RAB44: variants seen among roughly 807,000 people sequenced by gnomAD.
RAB44 encodes ras-related protein Rab-44.
In RAB44, 67 loss-of-function variants were observed where a neutral mutation model predicts 93.3. The observed-to-expected ratio is 0.72, with a 90% CI of 0.59 to 0.88. The LOEUF (loss-of-function observed/expected upper bound fraction) is 0.88, where lower values mean the gene tolerates loss of function less well. Ranked by LOEUF, RAB44 falls within the 40% of genes least tolerant of loss-of-function variation. The probability of loss-of-function intolerance (pLI) is 0.00; values close to 1 mark genes in which losing one functional copy is unlikely to be tolerated. For synonymous variants in RAB44, 427 were observed against 520.3 expected (o/e 0.82, Z 2.44); for missense variants, 1,064 against 1,261.7 (o/e 0.84, Z 2.37).
chr6:36,727,900 C>G (rs1233965770), intron 11 of RAB44, among the ~76,000 whole-genome samples: 1 of 152,236 alleles, frequency 6.6e-6, no homozygotes, highest in Non-Finnish European at 1.5e-5. Flanking sequence ...AACCAAACTA[C>G]TTCCTTTATC....
At chr6:36,726,698 T>C (rs1405551417) in intron 10 of RAB44, among the ~76,000 whole-genome samples, 2 of 152,176 alleles carry the variant, frequency 1.3e-5, no homozygotes, top group Non-Finnish European at 2.9e-5. Context: ...ACAACCTAAA[T>C]GTCCATCAAT....
intron 2 of RAB44, among the ~76,000 whole-genome samples, chr6:36,710,616 T>G (rs1762760863): frequency 9.4e-6 from 1 of 105,972 alleles, no homozygotes; most frequent in East Asian, 2.6e-4. Flanking sequence ...GGCATGATCT[T>G]GGCTCACTGC....
chr6:36,730,219 C>T (rs577585138), intron 12 of RAB44, among the ~76,000 whole-genome samples: 4 of 152,172 alleles, frequency 2.6e-5, no homozygotes, highest in South Asian at 2.1e-4. Flanking sequence ...GCCCCCGCCC[C>T]GTAAAAGGGT....
In RAB44 at chr6:36,722,510, CA is replaced by C; in HGVS notation, c.2377del (p.Arg793GlyfsTer21). 1 of 1,510,230 alleles carries C rather than the reference CA, an allele frequency of 6.6e-7. No individual in the cohort carries two copies. Among genetic ancestry groups the C allele is most frequent in the Non-Finnish European group, 8.9e-7 (1 of 1,127,392 alleles). The allele number at this position is 1,510,230 out of a possible 1,614,324, so 93.6% of individuals were successfully genotyped here. The stretch of plus-strand genomic sequence containing the variant: ...CAGAAGAACAAGGCCCGCCTCACTC[CA>C]GGGAACCAAGGGCAGAGAGCAGGCT... ...HAEEQGPPHS[R>X]EPRAESRLED... On this transcript the variant is annotated frameshift_variant, in exon 9 of 14. Transcript: ENST00000612677. LOFTEE classifies it high-confidence loss of function.
Position 36,727,494 on chromosome 6 carries a change from G to A in RAB44, c.2682-83G>A, listed in dbSNP as rs1763265178. The A allele has an allele frequency of 1.3e-5, 11 of 831,774 alleles. No individual in the cohort carries two copies. In the South Asian group the frequency reaches 1.6e-4, roughly 12 times the overall value. The allele number at this position is 831,774 out of a possible 1,614,324, so 51.5% of individuals were successfully genotyped here. On this transcript the variant is annotated intron_variant, in intron 10 of 13. Coordinates refer to ENST00000612677, the MANE Select transcript of RAB44 (RefSeq NM_001257357.2). ...CTCTGTGGGAAGCAATTAGAAGTAG[G>A]ATAGGTTACTTCTCCCACTTTGCAG...
intron 2 of RAB44, among the ~76,000 whole-genome samples, chr6:36,709,430 G>A (rs1762728119): frequency 6.6e-6 from 1 of 152,122 alleles, no homozygotes; most frequent in Non-Finnish European, 1.5e-5. Context: ...CCTTTTTCAT[G>A]TTGTAGAATA....
chr6:36,701,583 A>G lies in RAB44; in HGVS notation c.-12-2641A>G, dbSNP rs567624598. Among the ~76,000 whole-genome samples, 3 of 152,256 alleles carry G rather than the reference A, an allele frequency of 2.0e-5. No individual in the cohort carries two copies. The East Asian group carries it at 5.8e-4, about 29-fold the overall frequency. ...CTGCCCTGGAGCTCACTGCTAAGCT[A>G]TGTCACCTCCCCCAGGAAGCCCTCT... On this transcript the variant is annotated intron_variant, in intron 1 of 13. Transcript: ENST00000612677.
intron 7 of RAB44, among the ~76,000 whole-genome samples, chr6:36,719,518 G>A (rs1413214729): frequency 1.3e-5 from 2 of 152,202 alleles, no homozygotes; most frequent in African/African-American, 2.4e-5. Flanking sequence ...GATCATGACA[G>A]ACACAAACCT....
intron 3 of RAB44, among the ~76,000 whole-genome samples, 179 bp from the exon 4 acceptor site, chr6:36,715,300 A>G (rs1434583124): frequency 2.0e-5 from 3 of 152,210 alleles, no homozygotes; most frequent in South Asian, 4.1e-4. Context: ...TCATCTGTAA[A>G]ATGGGTACCT....
At chr6:36,714,271 G>A (rs1017404838) in intron 3 of RAB44, among the ~76,000 whole-genome samples, 1 of 152,240 alleles carries the variant, frequency 6.6e-6, no homozygotes, top group Admixed American at 6.5e-5. Flanking sequence ...GAGCAGCAGA[G>A]GGTGATATCT....
chr6:36,724,139 T>TTTTATTTTA (rs1554189976), intron 9 of RAB44, among the ~76,000 whole-genome samples: 3 of 146,390 alleles, frequency 2.0e-5, no homozygotes, highest in African/African-American at 7.7e-5. Flanking sequence ...CATTATTTTA[T>TTTTATTTTA]TTTATTTATT....
rs1763125917 is a variant in RAB44, at chr6:36,722,698, A to G, written c.2564A>G (p.Gln855Arg). ...GKTSFLHLLH[Q>R]NSFATGLTAT... ...ACATCCTTCCTGCACCTGCTGCACC[A>G]GAATTCTTTCGCCACCGGATTGACA... is the stretch of plus-strand genomic sequence containing the variant. The change falls in exon 9 of 14, where the codon CAG (glutamine) becomes CGG (arginine). Residue 855 changes from glutamine to arginine, a missense_variant. Transcript: ENST00000612677. 4.5e-6 allele frequency: 7 copies of G among 1,550,642 alleles called. No individual in the cohort carries two copies. The highest frequency in any genetic ancestry group is 1.7e-4 in the Middle Eastern group (1 of 5,992).
intron 2 of RAB44, among the ~76,000 whole-genome samples, chr6:36,710,549 T>G (rs1304107090): frequency 1.0e-5 from 1 of 99,586 alleles, no homozygotes; most frequent in East Asian, 2.7e-4. Flanking sequence ...TTGTACAACT[T>G]TTTTTTTTTT....
intron 2 of RAB44, among the ~76,000 whole-genome samples, chr6:36,711,475 T>C (rs1236533573): frequency 6.6e-6 from 1 of 152,226 alleles, no homozygotes; most frequent in African/African-American, 2.4e-5. Context: ...ATTAAACCAG[T>C]CTAATTTGTT....
intron 12 of RAB44, among the ~76,000 whole-genome samples, chr6:36,730,037 G>A (rs965890071): frequency 6.6e-6 from 1 of 152,150 alleles, no homozygotes; most frequent in African/African-American, 2.4e-5. Flanking sequence ...TCCTGTCTTG[G>A]AAAAATATTT....
rs1762970825 is a variant in RAB44 at position 36,718,088 on chromosome 6, C to T, written c.702C>T (p.Ile234=). The T allele has an allele frequency of 8.1e-7, 1 of 1,232,340 alleles. No homozygotes were observed. Among genetic ancestry groups the T allele is most frequent in the Non-Finnish European group, 1.0e-6 (1 of 988,140 alleles). The allele number at this position is 1,232,340 out of a possible 1,614,324, so 76.3% of individuals were successfully genotyped here. The change falls in exon 6 of 14, where the codon ATC becomes ATT. Residue 234 remains isoleucine, a synonymous_variant. Transcript: ENST00000612677. ...TCTATGAGGAGATGGAGCAGCAGAT[C>T]CGCCAGGAGAAGCAGCAGCTGCAGG... The part of the protein sequence containing the change: ...QQLYEEMEQQ[I]RQEKQQLQAE...
chr6:36,721,584 C>G lies in RAB44; in HGVS notation c.1450C>G (p.Leu484Val), dbSNP rs1763083039. ...ACCCGAGGGCCGCCTCCTCTGGGGT[C>G]TCTCAGGAAGCCTGGTGGCACCTGC... ...STPEGRLLWG[L>V]SGSLVAPAFK... Residue 484 changes from leucine to valine, a missense_variant, in exon 9 of 14, where the codon CTC becomes GTC. Coordinates refer to ENST00000612677, the MANE Select transcript of RAB44 (RefSeq NM_001257357.2). 1 of 1,234,592 alleles carries G rather than the reference C, an allele frequency of 8.1e-7. No individual in the cohort carries two copies. The highest frequency in any genetic ancestry group is 1.0e-6 in the Non-Finnish European group (1 of 988,374). The allele number at this position is 1,234,592 out of a possible 1,614,324, so 76.5% of individuals were successfully genotyped here. A position where few individuals can be genotyped will look rare whatever the true frequency, so the allele number is the denominator to read the frequency against.
At chr6:36,719,277 G>A (rs1002526001) in intron 7 of RAB44, among the ~76,000 whole-genome samples, 5 of 152,250 alleles carry the variant, frequency 3.3e-5, no homozygotes, top group Admixed American at 6.5e-5. Flanking sequence ...TCCTCACCAC[G>A]GCCTGGGCTG....
chr6:36,713,689 C>T, intron 2 of RAB44, 139 bp from the exon 3 acceptor site: 1 of 644,036 alleles, frequency 1.6e-6, no homozygotes, highest in Non-Finnish European at 2.8e-6. Context: ...CAAGCTTAGG[C>T]CCTGGGTCAG....
Sources: allele counts gnomAD v4.1 joint callset (sites outside exome capture counted in the v4.1 genomes callset), GRCh38; gene constraint gnomAD v4.1.1; transcripts MANE v1.5; gene names NCBI Gene and HGNC (gene_info 2026-07-23, HGNC 2026-07-21).